Variants in NRXN1 observed in about 807,000 individuals in gnomAD.
The protein encoded by NRXN1 is neurexin-1.
NRXN1 carries 39 observed loss-of-function variants against 150.9 expected under a neutral mutation model. That is an observed-to-expected ratio of 0.26 (90% CI 0.20 to 0.34). The LOEUF is 0.34. NRXN1 is among the 10% of genes least tolerant of loss of function. The probability of loss-of-function intolerance (pLI) is 1.00; values close to 1 mark genes in which losing one functional copy is unlikely to be tolerated. For synonymous variants in NRXN1, 924 were observed against 757.0 expected (o/e 1.22, Z -3.62); for missense variants, 1,815 against 1,949.9 (o/e 0.93, Z 1.30).
intron 21 of NRXN1, among the ~76,000 whole-genome samples, chr2:49,966,345 T>C (rs17039581): frequency 0.14 from 21,055 of 152,112 alleles, 1,845 homozygotes; most frequent in East Asian, 0.23. Flanking sequence ...GTTTGCCCTA[T>C]AATTAATGCT....
chr2:50,247,697 G>C (rs575156020), intron 17 of NRXN1, among the ~76,000 whole-genome samples: 314 of 152,228 alleles, frequency 2.1e-3, no homozygotes, highest in African/African-American at 7.1e-3. Context: ...AACTGTCCTA[G>C]ATTAGAGAAA....
chr2:50,684,464 T>A (rs937267894), intron 5 of NRXN1, among the ~76,000 whole-genome samples: 2 of 152,122 alleles, frequency 1.3e-5, no homozygotes, highest in Admixed American at 1.3e-4. Context: ...ATGGTGTCAC[T>A]ACACTGCAGC....
intron 18 of NRXN1, among the ~76,000 whole-genome samples, chr2:50,118,499 C>T (rs1035575508): frequency 2.0e-5 from 3 of 151,318 alleles, no homozygotes; most frequent in African/African-American, 7.3e-5. Context: ...TTGACTATGA[C>T]ATTCTAATTG....
chr2:50,700,957 C>T (rs1232514192), intron 5 of NRXN1, among the ~76,000 whole-genome samples: 7 of 152,042 alleles, frequency 4.6e-5, no homozygotes, highest in South Asian at 2.1e-4. Context: ...TGAGCAACTG[C>T]GCCCGGCCAG....
rs72828325 is a variant in NRXN1, at chr2:50,972,956, G to C, written c.773-47001C>G. Among the ~76,000 whole-genome samples, 1,291 of 152,320 alleles carry C rather than the reference G, an allele frequency of 8.5e-3. 9 individuals are homozygous for C. Among genetic ancestry groups the C allele is most frequent in the South Asian group, 0.023 (111 of 4,822 alleles). ...TAAATGCCCCTGTGCAAGGCACAAA[G>C]TTTGTAAATTAACTCAGTGGCCCTG... On this transcript the variant is annotated intron_variant, in intron 2 of 22. Transcript: ENST00000401669.
intron 21 of NRXN1, among the ~76,000 whole-genome samples, chr2:49,986,728 T>A (rs1274041207): frequency 2.0e-5 from 3 of 152,186 alleles, no homozygotes; most frequent in Non-Finnish European, 4.4e-5. Context: ...TATCATGTCT[T>A]TGTTTTGGGA....
At chr2:50,846,945 T>G (rs1317270603) in intron 5 of NRXN1, among the ~76,000 whole-genome samples, 1 of 152,144 alleles carries the variant, frequency 6.6e-6, no homozygotes, top group African/African-American at 2.4e-5. Context: ...GATAAACAAA[T>G]GGATAGTCAT....
chr2:50,900,226 C>T (rs1487271883), intron 5 of NRXN1, among the ~76,000 whole-genome samples: 1 of 152,172 alleles, frequency 6.6e-6, no homozygotes, highest in Non-Finnish European at 1.5e-5. Flanking sequence ...GTGTCCACAA[C>T]ATGTTGGACA....
chr2:50,899,195 T>C (rs1376203223), intron 5 of NRXN1, among the ~76,000 whole-genome samples: 5 of 152,170 alleles, frequency 3.3e-5, no homozygotes, highest in African/African-American at 1.2e-4. Flanking sequence ...GCTCACAAAA[T>C]TTAACCATCT....
chr2:50,622,451 TA>T (rs1459962030), intron 6 of NRXN1, among the ~76,000 whole-genome samples: 1 of 152,122 alleles, frequency 6.6e-6, no homozygotes, highest in Non-Finnish European at 1.5e-5. Context: ...TGTACGGCAA[TA>T]AAATTAGTCA....
At chr2:50,968,811 T>TG (rs1307505105) in intron 2 of NRXN1, among the ~76,000 whole-genome samples, 1 of 152,076 alleles carries the variant, frequency 6.6e-6, no homozygotes, top group Non-Finnish European at 1.5e-5. Flanking sequence ...CTAATCCTTC[T>TG]GTTTAAAGAC....
At chr2:50,641,666 A>G (rs1350214629) in intron 5 of NRXN1, among the ~76,000 whole-genome samples, 1 of 152,082 alleles carries the variant, frequency 6.6e-6, no homozygotes, top group Admixed American at 6.6e-5. Flanking sequence ...CTCTTAGGGC[A>G]AAGCGGTTTT....
At chr2:50,395,175 TC>T (rs1558657821) in intron 17 of NRXN1, among the ~76,000 whole-genome samples, 1 of 151,926 alleles carries the variant, frequency 6.6e-6, no homozygotes, top group African/African-American at 2.4e-5. Context: ...GGATAAGAAT[TC>T]TATTTTGTTT....
chr2:50,937,186 T>C (rs2104448577), intron 2 of NRXN1, among the ~76,000 whole-genome samples: 1 of 152,294 alleles, frequency 6.6e-6, no homozygotes, highest in African/African-American at 2.4e-5. Context: ...AAGCATCTTA[T>C]TTATGGCTAA....
At chr2:50,067,958 T>G (rs1481593260) in intron 19 of NRXN1, among the ~76,000 whole-genome samples, 1 of 152,212 alleles carries the variant, frequency 6.6e-6, no homozygotes, top group East Asian at 1.9e-4. Context: ...CCATTATCAG[T>G]CTTGACTTTT....
chr2:50,804,689 C>G (rs2105720139), intron 5 of NRXN1, among the ~76,000 whole-genome samples: 1 of 152,214 alleles, frequency 6.6e-6, no homozygotes, highest in South Asian at 2.1e-4. Context: ...AAAATGTCCC[C>G]TTTTTTTCTT....
intron 5 of NRXN1, among the ~76,000 whole-genome samples, chr2:50,667,892 T>C (rs966588406): frequency 2.6e-5 from 4 of 152,034 alleles, no homozygotes; most frequent in Non-Finnish European, 5.9e-5. Flanking sequence ...ATCTTTCTCA[T>C]TACTTACATT....
rs1021164734 is a variant in NRXN1 at position 49,963,775 on chromosome 2, A to G, written c.4129-19984T>C. ...ATTACTTTCATTAAAATGTCTATGA[A>G]CGGTGAATTAAATGACGAATCTCTT... is the stretch of plus-strand genomic sequence containing the variant. On this transcript the variant is annotated intron_variant, in intron 21 of 22. Coordinates refer to ENST00000401669, the MANE Select transcript of NRXN1 (RefSeq NM_001330078.2). 2.2e-4 allele frequency among the ~76,000 whole-genome samples: 33 copies of G among 152,346 alleles called. 1 individual carries two copies. Among genetic ancestry groups the G allele is most frequent in the Non-Finnish European group, 4.0e-4 (27 of 68,042 alleles).
At chr2:50,358,511 T>G (rs890764492) in intron 17 of NRXN1, among the ~76,000 whole-genome samples, 17 of 152,316 alleles carry the variant, frequency 1.1e-4, no homozygotes, top group African/African-American at 4.1e-4. Flanking sequence ...AAAGCCGCTA[T>G]AGCCAGACTG....
Sources: gnomAD v4.1 joint callset for allele counts (sites outside exome capture counted in the v4.1 genomes callset) on GRCh38, gnomAD v4.1.1 for gene constraint, MANE v1.5 for transcripts, NCBI Gene and HGNC (gene_info 2026-07-23, HGNC 2026-07-21) for gene names.